The following CCSER1 variants were observed in gnomAD, a reference collection of about 807,000 sequenced individuals.
The protein encoded by CCSER1 is coiled-coil serine rich protein 1, also known as serine-rich coiled-coil domain-containing protein 1.
A neutral mutation model predicts 82.0 loss-of-function variants in CCSER1; 41 were observed. The ratio of observed to expected loss-of-function variants is 0.50; its 90% CI spans 0.39 to 0.65. The LOEUF is 0.65. Ranked by LOEUF, CCSER1 falls within the 30% of genes least tolerant of loss-of-function variation. The probability of loss-of-function intolerance (pLI) is 0.00; values close to 1 mark genes in which losing one functional copy is unlikely to be tolerated. For synonymous variants in CCSER1, 414 were observed against 383.9 expected (o/e 1.08, Z -0.92); for missense variants, 1,119 against 1,064.2 (o/e 1.05, Z -0.72).
At chr4:90,909,744 A>G (rs1483189577) in intron 8 of CCSER1, among the ~76,000 whole-genome samples, 4 of 152,204 alleles carry the variant, frequency 2.6e-5, no homozygotes, top group Admixed American at 6.5e-5. Flanking sequence ...TTAAACTAGA[A>G]GAAATGGATT....
At chr4:90,555,589 T>A (rs528569830) in intron 5 of CCSER1, among the ~76,000 whole-genome samples, 19 of 152,208 alleles carry the variant, frequency 1.2e-4, no homozygotes, top group Admixed American at 1.0e-3. Context: ...AGTGTCAGAA[T>A]GATTTGAATA....
At chr4:90,975,381 A>G (rs1735514913) in intron 9 of CCSER1, among the ~76,000 whole-genome samples, 1 of 151,410 alleles carries the variant, frequency 6.6e-6, no homozygotes, top group Non-Finnish European at 1.5e-5. Context: ...TTGCTTGTCT[A>G]TGCTAACCAT....
intron 7 of CCSER1, among the ~76,000 whole-genome samples, chr4:90,809,968 A>C (rs1758036520): frequency 6.6e-6 from 1 of 152,192 alleles, no homozygotes; most frequent in South Asian, 2.1e-4. Flanking sequence ...GAGAACCAGA[A>C]TAAACAGGTA....
intron 9 of CCSER1, among the ~76,000 whole-genome samples, chr4:90,925,432 CT>C (rs1728938733): frequency 6.6e-6 from 1 of 152,048 alleles, no homozygotes; most frequent in Admixed American, 6.6e-5. Flanking sequence ...AGAATTCTAA[CT>C]TTTTAAATGA....
chr4:90,304,133 A>G (rs1199157729), intron 1 of CCSER1, among the ~76,000 whole-genome samples: 1 of 152,164 alleles, frequency 6.6e-6, no homozygotes, highest in African/African-American at 2.4e-5. Flanking sequence ...GCAATCATTA[A>G]AAAGTCAGGA....
chr4:90,155,800 T>A lies in CCSER1; in HGVS notation c.-42+27969T>A, dbSNP rs565529890. On this transcript the variant is annotated intron_variant, in intron 1 of 10. Coordinates refer to ENST00000509176, the MANE Select transcript of CCSER1 (RefSeq NM_001145065.2). ...TAGTCTTGCTAGCGGTCTATCAATT[T>A]TGTTGATCCTTTCAAAAAACCAGCT... Among the ~76,000 whole-genome samples, 31 of 152,022 alleles carry A rather than the reference T, an allele frequency of 2.0e-4. No individual in the cohort carries two copies. In the South Asian group the frequency reaches 4.2e-3, roughly 20 times the overall value.
intron 5 of CCSER1, among the ~76,000 whole-genome samples, chr4:90,475,050 GCA>G (rs138924421): frequency 2.0e-5 from 3 of 150,608 alleles, no homozygotes; most frequent in Admixed American, 6.6e-5. Context: ...AGTGTAACAT[GCA>G]CACACACACA....
chr4:91,436,975 C>A (rs1224597639), intron 10 of CCSER1, among the ~76,000 whole-genome samples: 1 of 152,152 alleles, frequency 6.6e-6, no homozygotes, highest in Non-Finnish European at 1.5e-5. Context: ...GTCTTCCTGG[C>A]AATTGCACAT....
chr4:90,646,926 G>T (rs1004042565), intron 6 of CCSER1, among the ~76,000 whole-genome samples: 14 of 151,988 alleles, frequency 9.2e-5, no homozygotes, highest in African/African-American at 3.4e-4. Context: ...ACGCAAAATT[G>T]CTTAGTACTC....
rs1338542209 is a variant in CCSER1, at chr4:90,823,635, TGTGTGAACCGTG to T, written c.2094+7791_2094+7802del. On this transcript the variant is annotated intron_variant, in intron 8 of 10. Coordinates refer to ENST00000509176, the MANE Select transcript of CCSER1 (RefSeq NM_001145065.2). The stretch of plus-strand genomic sequence containing the variant: ...TTTAAGATTCAAAACAAAAGAATAG[TGTGTGAACCGTG>T]AGCTCTCTATTTTGGGGGGGGATGT... Among the ~76,000 whole-genome samples the T allele has an allele frequency of 5.3e-5, 8 of 152,024 alleles. No homozygotes were observed. The East Asian group carries it at 1.5e-3, about 29-fold the overall frequency.
intron 10 of CCSER1, among the ~76,000 whole-genome samples, chr4:91,293,215 AC>A (rs1489761415): frequency 2.0e-5 from 3 of 151,780 alleles, no homozygotes; most frequent in Non-Finnish European, 4.4e-5. Flanking sequence ...ATCCACTACA[AC>A]CCTTGTTGTA....
intron 8 of CCSER1, among the ~76,000 whole-genome samples, chr4:90,882,147 C>T (rs904406459): frequency 1.3e-5 from 2 of 152,086 alleles, no homozygotes; most frequent in Middle Eastern, 3.4e-3. Context: ...CAGCTAGTCA[C>T]GTTATCCTCT....
intron 5 of CCSER1, among the ~76,000 whole-genome samples, chr4:90,573,568 T>C (rs1282872362): frequency 6.6e-6 from 1 of 152,250 alleles, no homozygotes; most frequent in East Asian, 1.9e-4. Context: ...GTTTTCTTAT[T>C]ATTTTCCTAC....
intron 9 of CCSER1, among the ~76,000 whole-genome samples, chr4:91,013,470 C>T (rs185389524): frequency 7.5e-6 from 1 of 133,490 alleles, no homozygotes; most frequent in Admixed American, 7.5e-5. Context: ...ATTACTTTAA[C>T]ATTGTAATAT....
intron 7 of CCSER1, among the ~76,000 whole-genome samples, chr4:90,746,952 T>C (rs1747580936): frequency 6.6e-6 from 1 of 152,200 alleles, no homozygotes; most frequent in Non-Finnish European, 1.5e-5. Context: ...TTTTAACTAC[T>C]GTACTCTACT....
intron 4 of CCSER1, among the ~76,000 whole-genome samples, chr4:90,426,051 T>C (rs1037193922): frequency 2.0e-5 from 3 of 152,168 alleles, no homozygotes; most frequent in Non-Finnish European, 2.9e-5. Context: ...AGTGGCATGG[T>C]GCCAGAGATG....
chr4:90,479,737 C>T (rs570257995), intron 5 of CCSER1, among the ~76,000 whole-genome samples: 51 of 152,210 alleles, frequency 3.4e-4, no homozygotes, highest in African/African-American at 1.1e-3. Context: ...TAGTATTCTA[C>T]GGTGTATATG....
intron 10 of CCSER1, among the ~76,000 whole-genome samples, chr4:91,372,150 A>T (rs760335886): frequency 2.0e-5 from 3 of 152,200 alleles, no homozygotes; most frequent in Non-Finnish European, 2.9e-5. Context: ...TTAAAAGTGT[A>T]ATCATGCCTC....
chr4:91,171,321 C>A, intron 10 of CCSER1, among the ~76,000 whole-genome samples: 1 of 152,142 alleles, frequency 6.6e-6, no homozygotes, highest in Non-Finnish European at 1.5e-5. Flanking sequence ...ACAAATTCAA[C>A]TAATTGTTTG....
Sources: allele counts gnomAD v4.1 joint callset (sites outside exome capture counted in the v4.1 genomes callset), GRCh38; gene constraint gnomAD v4.1.1; transcripts MANE v1.5; gene names NCBI Gene and HGNC (gene_info 2026-07-23, HGNC 2026-07-21).